GPC5: variants seen among roughly 807,000 people sequenced by gnomAD.
GPC5 encodes glypican 5, also known as glypican-5.
A neutral mutation model predicts 53.9 loss-of-function variants in GPC5; 47 were observed. The observed-to-expected ratio is 0.87, with a 90% CI of 0.69 to 1.11. GPC5 has a LOEUF of 1.11. GPC5 is among the 50% of genes most tolerant of loss of function. GPC5 has a pLI of 0.00. For synonymous variants in GPC5, 286 were observed against 263.3 expected (o/e 1.09, Z -0.84); for missense variants, 748 against 713.1 (o/e 1.05, Z -0.56).
intron 7 of GPC5, among the ~76,000 whole-genome samples, chr13:92,493,142 T>C (rs1207026232): frequency 2.0e-5 from 3 of 152,216 alleles, no homozygotes; most frequent in Admixed American, 6.5e-5. Flanking sequence ...CTATAGAAAT[T>C]ATGTTTTAAA....
intron 7 of GPC5, among the ~76,000 whole-genome samples, chr13:92,455,084 A>C (rs1161570582): frequency 6.6e-6 from 1 of 152,170 alleles, no homozygotes; most frequent in Non-Finnish European, 1.5e-5. Context: ...CAAGGAATGG[A>C]AGAGGCCTCA....
At chr13:92,682,448 A>G (rs1251342395) in intron 7 of GPC5, among the ~76,000 whole-genome samples, 1 of 152,192 alleles carries the variant, frequency 6.6e-6, no homozygotes, top group Non-Finnish European at 1.5e-5. Flanking sequence ...GTGAACATCT[A>G]TATGTGGTGG....
intron 2 of GPC5, among the ~76,000 whole-genome samples, chr13:91,600,677 C>CA (rs2033153738): frequency 6.6e-6 from 1 of 152,040 alleles, no homozygotes; most frequent in Non-Finnish European, 1.5e-5. Flanking sequence ...GATGTGATCT[C>CA]AGCTCACTGT....
chr13:92,202,298 C>A (rs1309473537), intron 7 of GPC5, among the ~76,000 whole-genome samples: 1 of 152,078 alleles, frequency 6.6e-6, no homozygotes, highest in Non-Finnish European at 1.5e-5. Context: ...ATTTAGCATG[C>A]AGAACAGGCT....
chr13:92,401,871 C>G (rs1369951673), intron 7 of GPC5, among the ~76,000 whole-genome samples: 2 of 152,148 alleles, frequency 1.3e-5, no homozygotes, highest in Non-Finnish European at 2.9e-5. Context: ...GTTGCATACT[C>G]TCCTCCTTTG....
At chr13:92,123,967 T>C (rs548623303) in intron 6 of GPC5, among the ~76,000 whole-genome samples, 204 of 152,272 alleles carry the variant, frequency 1.3e-3, no homozygotes, top group African/African-American at 4.4e-3. Flanking sequence ...ATAGTTACGA[T>C]AGTACTGAAA....
intron 7 of GPC5, among the ~76,000 whole-genome samples, chr13:92,151,526 A>G (rs1011202883): frequency 1.6e-4 from 25 of 152,162 alleles, no homozygotes; most frequent in Non-Finnish European, 3.7e-4. Flanking sequence ...GAACTGTAAC[A>G]CTTAGGCCAG....
chr13:92,793,261 T>C (rs1876533301), intron 7 of GPC5, among the ~76,000 whole-genome samples: 1 of 152,134 alleles, frequency 6.6e-6, no homozygotes, highest in African/African-American at 2.4e-5. Context: ...GCATGGAAAC[T>C]GAACCACCTG....
intron 6 of GPC5, among the ~76,000 whole-genome samples, chr13:92,138,087 A>T (rs1323522607): frequency 6.6e-6 from 1 of 152,196 alleles, no homozygotes; most frequent in Non-Finnish European, 1.5e-5. Context: ...ACTCTAAAAA[A>T]TGAAGTTTAT....
At chr13:92,710,450 T>G (rs1362700906) in intron 7 of GPC5, among the ~76,000 whole-genome samples, 1 of 152,206 alleles carries the variant, frequency 6.6e-6, no homozygotes, top group Non-Finnish European at 1.5e-5. Flanking sequence ...AAAAATCTGT[T>G]GAATAATAAT....
intron 7 of GPC5, among the ~76,000 whole-genome samples, chr13:92,191,265 A>G (rs932523367): frequency 6.6e-6 from 1 of 152,176 alleles, no homozygotes; most frequent in African/African-American, 2.4e-5. Context: ...GTGGCATATA[A>G]GAATATAAAA....
In GPC5 at chr13:91,503,133, A is replaced by G. The variant is rs1217647642; in HGVS notation, c.325+54211A>G. ...TGCTTCATTAAAAAATAAAGCAATA[A>G]AATCAGTACAGCACAGAGAGAAAGA... On this transcript the variant is annotated intron_variant, in intron 2 of 7. Coordinates refer to ENST00000377067, the MANE Select transcript of GPC5 (RefSeq NM_004466.6). Among the ~76,000 whole-genome samples the G allele has an allele frequency of 2.0e-5, 3 of 152,172 alleles. No homozygotes were observed. The East Asian group carries it at 5.8e-4, about 29-fold the overall frequency.
rs187840709 is a variant in GPC5 at position 91,848,682 on chromosome 13, G to A, written c.1281-59255G>A. ...GTTGTTAACTATATTTGGGAAATAC[G>A]ATATTTGAATTAATCTCTCAAACCA... is the stretch of plus-strand genomic sequence containing the variant. On this transcript the variant is annotated intron_variant, in intron 5 of 7. Coordinates refer to ENST00000377067, the MANE Select transcript of GPC5 (RefSeq NM_004466.6). Among the ~76,000 whole-genome samples, 12 of 152,292 alleles carry A rather than the reference G, an allele frequency of 7.9e-5. No individual in the cohort carries two copies. In the East Asian group the frequency reaches 1.7e-3, roughly 22 times the overall value.
At chr13:92,584,966 G>A (rs189153852) in intron 7 of GPC5, among the ~76,000 whole-genome samples, 14 of 152,232 alleles carry the variant, frequency 9.2e-5, no homozygotes, top group African/African-American at 3.1e-4. Context: ...CTAGATTTCA[G>A]AAGATGTATA....
intron 6 of GPC5, among the ~76,000 whole-genome samples, chr13:92,075,066 A>T (rs919983533): frequency 1.3e-5 from 2 of 152,072 alleles, no homozygotes; most frequent in Non-Finnish European, 2.9e-5. Flanking sequence ...CTGTTTTGAA[A>T]TTTTTTTCTT....
intron 5 of GPC5, among the ~76,000 whole-genome samples, chr13:91,814,292 T>C (rs1318999707): frequency 1.3e-5 from 2 of 152,116 alleles, no homozygotes; most frequent in Admixed American, 1.3e-4. Context: ...CTATATCTGA[T>C]ATTTTGTATT....
At chr13:92,273,450 G>A (rs182824568) in intron 7 of GPC5, among the ~76,000 whole-genome samples, 8 of 152,156 alleles carry the variant, frequency 5.3e-5, no homozygotes, top group Non-Finnish European at 8.8e-5. Flanking sequence ...AGTATGTTAT[G>A]AGATTTACAG....
intron 2 of GPC5, among the ~76,000 whole-genome samples, chr13:91,608,472 C>G (rs919302684): frequency 6.6e-6 from 1 of 152,174 alleles, no homozygotes; most frequent in South Asian, 2.1e-4. Flanking sequence ...ATGTGATGCT[C>G]AGCTTCTTGC....
intron 7 of GPC5, among the ~76,000 whole-genome samples, chr13:92,515,832 GTTCTA>G (rs1420209880): frequency 6.6e-6 from 1 of 151,964 alleles, no homozygotes; most frequent in East Asian, 1.9e-4. Flanking sequence ...AAATTAAGTT[GTTCTA>G]AAACATGAAA....
Sources: allele counts gnomAD v4.1 joint callset (sites outside exome capture counted in the v4.1 genomes callset), GRCh38; gene constraint gnomAD v4.1.1; transcripts MANE v1.5; gene names NCBI Gene and HGNC (gene_info 2026-07-23, HGNC 2026-07-21).